Variants in FHIT observed in about 807,000 individuals in gnomAD.
The protein encoded by FHIT is bis(5'-adenosyl)-triphosphatase.
In FHIT, 19 loss-of-function variants were observed where a neutral mutation model predicts 17.9. The observed-to-expected ratio is 1.06, with a 90% CI of 0.74 to 1.56. The LOEUF is 1.56. Among genes scored for constraint, FHIT ranks in the 40% most tolerant of loss-of-function variants. The pLI is 0.00. For synonymous variants in FHIT, 81 were observed against 69.7 expected (o/e 1.16, Z -0.81); for missense variants, 248 against 189.2 (o/e 1.31, Z -1.82).
At chr3:61,123,736 AC>A (rs1185360905) in intron 2 of FHIT, among the ~76,000 whole-genome samples, 2 of 152,126 alleles carry the variant, frequency 1.3e-5, no homozygotes, top group Non-Finnish European at 2.9e-5. Flanking sequence ...ATGTTCAGCA[AC>A]TGGGTGGTGG....
intron 7 of FHIT, among the ~76,000 whole-genome samples, chr3:59,963,358 T>C (rs537962770): frequency 3.3e-5 from 5 of 152,312 alleles, no homozygotes; most frequent in East Asian, 3.9e-4. Flanking sequence ...CGAAAACTCA[T>C]GGCTCAAGTT....
intron 4 of FHIT, among the ~76,000 whole-genome samples, chr3:60,753,052 C>T (rs577198334): frequency 6.6e-6 from 1 of 152,070 alleles, no homozygotes; most frequent in Non-Finnish European, 1.5e-5. Context: ...GTTGTTGGCT[C>T]CAGGGTTCCT....
At chr3:60,069,327 A>G (rs974902100) in intron 5 of FHIT, among the ~76,000 whole-genome samples, 1 of 152,250 alleles carries the variant, frequency 6.6e-6, no homozygotes, top group Non-Finnish European at 1.5e-5. Context: ...ATAGTTCAAA[A>G]TGACAGTAAA....
chr3:60,493,433 G>C (rs1371308804), intron 5 of FHIT, among the ~76,000 whole-genome samples: 3 of 152,152 alleles, frequency 2.0e-5, no homozygotes, highest in East Asian at 1.9e-4. Flanking sequence ...CTTACACTGT[G>C]AGGTTAAAGA....
At chr3:60,469,059 T>G (rs1315820742) in intron 5 of FHIT, among the ~76,000 whole-genome samples, 2 of 152,140 alleles carry the variant, frequency 1.3e-5, no homozygotes, top group Non-Finnish European at 2.9e-5. Context: ...AGATCTTTGT[T>G]ATTTCTTTTC....
intron 5 of FHIT, among the ~76,000 whole-genome samples, chr3:60,179,161 A>T (rs915171019): frequency 6.6e-5 from 10 of 152,206 alleles, no homozygotes; most frequent in Non-Finnish European, 1.3e-4. Flanking sequence ...GCATTCCATT[A>T]GGCGCATTTC....
At chr3:60,950,694 T>A (rs534117679) in intron 3 of FHIT, among the ~76,000 whole-genome samples, 3,984 of 151,916 alleles carry the variant, frequency 0.026, 169 homozygotes, top group African/African-American at 0.091. Context: ...TTTTTTTTTT[T>A]TTATTTTTAG....
At chr3:60,567,631 C>T (rs1160772184) in intron 4 of FHIT, among the ~76,000 whole-genome samples, 2 of 152,160 alleles carry the variant, frequency 1.3e-5, no homozygotes, top group African/African-American at 4.8e-5. Context: ...TAAAGAGCTT[C>T]TGCACAGCAA....
chr3:59,806,402 T>G (rs1376048918), intron 8 of FHIT, among the ~76,000 whole-genome samples: 1 of 152,188 alleles, frequency 6.6e-6, no homozygotes, highest in African/African-American at 2.4e-5. Flanking sequence ...AAACTGAACC[T>G]AGTTCTTAGA....
intron 5 of FHIT, among the ~76,000 whole-genome samples, chr3:60,442,592 G>C (rs539841077): frequency 3.7e-4 from 56 of 152,180 alleles, no homozygotes; most frequent in Non-Finnish European, 5.1e-4. Flanking sequence ...TAGATGTGTG[G>C]TATTATTTCT....
intron 5 of FHIT, among the ~76,000 whole-genome samples, chr3:60,122,123 C>T (rs1215008905): frequency 2.0e-5 from 3 of 146,760 alleles, no homozygotes; most frequent in Non-Finnish European, 4.5e-5. Context: ...AAAAAAAACG[C>T]CTAGAGATAA....
At position 60,934,465 on chromosome 3, in the gene FHIT, C is replaced by T. The variant is rs150331038; in HGVS notation, c.-111+107582G>A. On this transcript the variant is annotated intron_variant, in intron 3 of 9. Coordinates refer to ENST00000492590, the MANE Select transcript of FHIT (RefSeq NM_002012.4). The stretch of plus-strand genomic sequence containing the variant: ...TCTGAGCCACTGCATGCCCTGAGGC[C>T]GCTGGACAGATGGTTATACCACCAG... 3.7e-3 allele frequency among the ~76,000 whole-genome samples: 564 copies of T among 152,206 alleles called. 8 individuals are homozygous for T. The highest frequency in any genetic ancestry group is 0.013 in the African/African-American group (538 of 41,512).
intron 5 of FHIT, among the ~76,000 whole-genome samples, chr3:60,099,382 C>T (rs1219440478): frequency 6.6e-6 from 1 of 152,086 alleles, no homozygotes; most frequent in Non-Finnish European, 1.5e-5. Context: ...CTCATAATTA[C>T]CTAAGAGGGA....
chr3:61,147,826 C>T (rs9861713), intron 2 of FHIT, among the ~76,000 whole-genome samples: 72,335 of 151,636 alleles, frequency 0.48, 17,991 homozygotes, highest in East Asian at 0.86. Context: ...GTTCCTTTTT[C>T]ACCCTTGGAA....
intron 4 of FHIT, among the ~76,000 whole-genome samples, chr3:60,740,575 C>T (rs2042221310): frequency 1.3e-5 from 2 of 152,138 alleles, no homozygotes; most frequent in African/African-American, 4.8e-5. Context: ...CCATTTCAAT[C>T]ATCTTTAAGT....
At chr3:61,055,688 T>A (rs11925038) in intron 2 of FHIT, among the ~76,000 whole-genome samples, 88,697 of 151,990 alleles carry the variant, frequency 0.58, 27,114 homozygotes, top group Non-Finnish European at 0.68. Flanking sequence ...CTCAAGGAGC[T>A]CAGGATCTGG....
At chr3:60,284,797 C>A (rs1369417848) in intron 5 of FHIT, among the ~76,000 whole-genome samples, 1 of 152,084 alleles carries the variant, frequency 6.6e-6, no homozygotes, top group Non-Finnish European at 1.5e-5. Flanking sequence ...ATAAAGCTAA[C>A]AGTAGTGGTA....
chr3:61,243,799 A>C (rs1183849972), intron 1 of FHIT, among the ~76,000 whole-genome samples: 1 of 152,204 alleles, frequency 6.6e-6, no homozygotes, highest in African/African-American at 2.4e-5. Context: ...GAAAACCCTT[A>C]GACAAGCACA....
At chr3:59,995,565 AT>A (rs539978307) in intron 7 of FHIT, among the ~76,000 whole-genome samples, 16 of 152,072 alleles carry the variant, frequency 1.1e-4, no homozygotes, top group Non-Finnish European at 2.2e-4. Context: ...TGATGGTAAT[AT>A]TTTTTAAATT....
Sources: gnomAD v4.1 joint callset for allele counts (sites outside exome capture counted in the v4.1 genomes callset) on GRCh38, gnomAD v4.1.1 for gene constraint, MANE v1.5 for transcripts, NCBI Gene and HGNC (gene_info 2026-07-23, HGNC 2026-07-21) for gene names.